Variants in TENM3 observed in about 807,000 individuals in gnomAD.
The protein encoded by TENM3 is teneurin transmembrane protein 3, also known as teneurin-3.
TENM3 carries 63 observed loss-of-function variants against 255.1 expected under a neutral mutation model. The observed-to-expected ratio is 0.25, with a 90% confidence interval of 0.20 to 0.30. TENM3 has a LOEUF of 0.30. Among genes scored for constraint, TENM3 ranks in the 10% least tolerant of loss-of-function variants. The pLI, the probability that TENM3 is intolerant of heterozygous loss-of-function variation, is 1.00. For missense variants in TENM3, 2,929 were observed against 3,461.1 expected (o/e 0.85, Z 3.86); for synonymous variants, 1,306 against 1,322.3 (o/e 0.99, Z 0.27).
At chr4:182,071,162 T>C in the TENM3 span, among the ~76,000 whole-genome samples, 1 of 152,204 alleles carries the variant, frequency 6.6e-6, no homozygotes, top group African/African-American at 2.4e-5. Flanking sequence ...TATGGATATA[T>C]TCATATAGAT....
chr4:182,691,268 C>G (rs1031589532), intron 12 of TENM3, among the ~76,000 whole-genome samples: 2 of 152,224 alleles, frequency 1.3e-5, no homozygotes, highest in Admixed American at 1.3e-4. Context: ...CTGAAAGAAG[C>G]TGCCACTTGG....
At chr4:182,192,151 G>T (rs1028849332) in intron 1 of TENM3, among the ~76,000 whole-genome samples, 1 of 151,980 alleles carries the variant, frequency 6.6e-6, no homozygotes, top group Non-Finnish European at 1.5e-5. Flanking sequence ...TTGGAACACC[G>T]TTGCACCCAT....
At chr4:182,666,663 G>A (rs568624356) in intron 6 of TENM3, among the ~76,000 whole-genome samples, 2 of 152,276 alleles carry the variant, frequency 1.3e-5, no homozygotes, top group South Asian at 2.1e-4. Context: ...TTGGGTGGCC[G>A]AGGCTGGTGG....
intron 2 of TENM3, among the ~76,000 whole-genome samples, chr4:182,340,083 A>G (rs1024009874): frequency 6.6e-6 from 1 of 152,078 alleles, no homozygotes; most frequent in Non-Finnish European, 1.5e-5. Context: ...CTTCCATTCA[A>G]TATGCATATG....
chr4:182,123,389 T>G, the TENM3 span, among the ~76,000 whole-genome samples: 1 of 152,348 alleles, frequency 6.6e-6, no homozygotes, highest in Non-Finnish European at 1.5e-5. Context: ...CTCACTAAGC[T>G]TAATCATTTC....
chr4:181,550,582 C>A, the TENM3 span, among the ~76,000 whole-genome samples: 3 of 152,100 alleles, frequency 2.0e-5, no homozygotes, highest in Non-Finnish European at 4.4e-5. Flanking sequence ...ATCCTAGATA[C>A]CTACAGGGCA....
chr4:182,424,537 C>A (rs1771067127), intron 3 of TENM3, among the ~76,000 whole-genome samples: 1 of 150,908 alleles, frequency 6.6e-6, no homozygotes, highest in African/African-American at 2.5e-5. Context: ...TGTACATGAC[C>A]AAAAATATTT....
chr4:182,784,401 C>G (rs375200986), intron 24 of TENM3, among the ~76,000 whole-genome samples: 1,985 of 150,566 alleles, frequency 0.013, 48 homozygotes, highest in African/African-American at 0.039. Flanking sequence ...TGAGGAGGCA[C>G]TCTGCCAGTT....
chr4:181,706,427 C>A, the TENM3 span, among the ~76,000 whole-genome samples: 19 of 152,084 alleles, frequency 1.2e-4, no homozygotes, highest in Admixed American at 1.2e-3. Flanking sequence ...CGTCCATAGA[C>A]TGGTTGTGAC....
chr4:182,058,399 T>C, the TENM3 span, among the ~76,000 whole-genome samples: 1 of 152,118 alleles, frequency 6.6e-6, no homozygotes, highest in Admixed American at 6.5e-5. Flanking sequence ...AGACACTAAG[T>C]TTTTAGGTGA....
chr4:182,243,138 G>C (rs192319309), upstream of TENM3, among the ~76,000 whole-genome samples: 2 of 152,302 alleles, frequency 1.3e-5, no homozygotes, highest in Admixed American at 6.5e-5. Flanking sequence ...ATTTGAGACA[G>C]AGTTTCGCTC....
chr4:182,135,204 CAAAAAAAAAAAAA>C, the TENM3 span, among the ~76,000 whole-genome samples: 16 of 81,572 alleles, frequency 2.0e-4, no homozygotes, highest in African/African-American at 5.5e-4. Flanking sequence ...GACTCGGTCT[CAAAAAAAAAAAAA>C]AAAAAAAAAA....
chr4:181,813,254 A>G, the TENM3 span, among the ~76,000 whole-genome samples: 1 of 152,132 alleles, frequency 6.6e-6, no homozygotes, highest in Non-Finnish European at 1.5e-5. Context: ...GGGGTGGCAC[A>G]GAGGAGTGGG....
chr4:182,516,909 G>A (rs1430742054), intron 3 of TENM3, among the ~76,000 whole-genome samples: 1 of 150,662 alleles, frequency 6.6e-6, no homozygotes, highest in Non-Finnish European at 1.5e-5. Context: ...AAAAAATGTA[G>A]GATTATTGTA....
the TENM3 span, among the ~76,000 whole-genome samples, chr4:181,760,421 C>G: frequency 6.6e-6 from 1 of 152,118 alleles, no homozygotes; most frequent in Non-Finnish European, 1.5e-5. Context: ...AATCTAGTCA[C>G]TTAGGTATAT....
At chr4:181,710,943 C>G in the TENM3 span, among the ~76,000 whole-genome samples, 1 of 150,790 alleles carries the variant, frequency 6.6e-6, no homozygotes, top group Non-Finnish European at 1.5e-5. Context: ...TGAGACATCT[C>G]TGATTCTAAT....
At chr4:181,565,756 T>G in the TENM3 span, among the ~76,000 whole-genome samples, 1 of 152,208 alleles carries the variant, frequency 6.6e-6, no homozygotes, top group East Asian at 1.9e-4. Flanking sequence ...AGAATTATAT[T>G]AGAAAAGTAG....
the TENM3 span, among the ~76,000 whole-genome samples, chr4:181,854,306 T>C: frequency 1.2e-4 from 19 of 152,204 alleles, no homozygotes; most frequent in African/African-American, 4.3e-4. Context: ...TTGTCATACT[T>C]CATCTGCTGT....
chr4:182,049,409 G>T, the TENM3 span, among the ~76,000 whole-genome samples: 3 of 151,856 alleles, frequency 2.0e-5, no homozygotes, highest in African/African-American at 7.2e-5. Flanking sequence ...CCTGGAAAGG[G>T]ACAGTGAGAG....
Sources: allele counts gnomAD v4.1 joint callset (sites outside exome capture counted in the v4.1 genomes callset), GRCh38; gene constraint gnomAD v4.1.1; transcripts MANE v1.5; gene names NCBI Gene and HGNC (gene_info 2026-07-23, HGNC 2026-07-21).